PRR12: variants seen among roughly 807,000 people sequenced by gnomAD.
PRR12 encodes the protein proline rich 12, also known as proline-rich protein 12.
A neutral mutation model predicts 138.0 loss-of-function variants in PRR12; 12 were observed. The observed-to-expected ratio is 0.09, with a 90% CI of 0.06 to 0.14. The LOEUF is 0.14. Ranked by LOEUF, PRR12 falls within the 10% of genes least tolerant of loss-of-function variation. The pLI, the probability that PRR12 is intolerant of heterozygous loss-of-function variation, is 1.00. For missense variants in PRR12, 2,692 were observed against 2,861.3 expected (o/e 0.94, Z 1.35); for synonymous variants, 1,567 against 1,291.7 (o/e 1.21, Z -4.57).
Position 49,594,748 on chromosome 19 carries a change from G to C in PRR12, c.413G>C (p.Gly138Ala). ...CTCTTCATCTCGGGTGCCCTGCCGGGTTCCAGCACCTTTCCGTCCTCATCT... is the reference window on the plus strand; with the variant it reads ...CTCTTCATCTCGGGTGCCCTGCCGGCTTCCAGCACCTTTCCGTCCTCATCT... ...TELFISGALPGSSTFPSSSAL... is the reference protein window; with the variant it reads ...TELFISGALPASSTFPSSSAL... The change falls in exon 4 of 14, where the codon GGT (glycine) becomes GCT (alanine). Residue 138 changes from glycine to alanine, a missense_variant. By Grantham distance (60) the Gly-to-Ala change is moderately conservative. Transcript: ENST00000418929. The surrounding 1 kb of genome is among the most constrained non-coding windows in gnomAD (Gnocchi z 5.6). The C allele has an allele frequency of 6.2e-7, 1 of 1,613,430 alleles. No individual in the cohort carries two copies. Among genetic ancestry groups the C allele is most frequent in the Non-Finnish European group, 8.5e-7 (1 of 1,179,828 alleles).
chr19:49,597,103 C>G lies in PRR12; in HGVS notation c.2768C>G (p.Ala923Gly). The G allele has an allele frequency of 6.4e-7, 1 of 1,551,074 alleles. No individual in the cohort carries two copies. Among genetic ancestry groups the G allele is most frequent in the Non-Finnish European group, 8.7e-7 (1 of 1,147,454 alleles). The change falls in exon 4 of 14, where the codon GCG becomes GGG. Residue 923 changes from alanine (A) to glycine (G), a missense_variant. By Grantham distance (60) the Ala-to-Gly change is moderately conservative. This residue lies in a region of PRR12 where 840 missense variants were observed against 689.8 expected (regional missense o/e 1.22). Transcript: ENST00000418929. This position sits in a 1 kb window ranked among gnomAD's most constrained non-coding sequence, Gnocchi z 6.3. ...YRSPSPQGTK[A>G]PRFVPLTSIC... ...AGCCCCAGCCCGCAAGGCACCAAGGCGCCGCGTTTCGTGCCGCTCACCTCC... is the reference window on the plus strand; with the variant it reads ...AGCCCCAGCCCGCAAGGCACCAAGGGGCCGCGTTTCGTGCCGCTCACCTCC...
chr19:49,598,303 T>A (rs1354781528), intron 4 of PRR12, among the ~76,000 whole-genome samples: 1 of 151,828 alleles, frequency 6.6e-6, no homozygotes, highest in Admixed American at 6.6e-5. Flanking sequence ...CTCGATCTCC[T>A]GGCCTCGTGA....
rs1568423508 is a variant in PRR12, at chr19:49,597,461, GCCTCCGCCA to G, written c.3129_3137del (p.Pro1047_Pro1049del). ...CCCACCAGGCGGCGCCACCACCCCC[GCCTCCGCCA>G]CCGCCGCCTCCCGCGCCGGCCTCCG... On this transcript the variant is annotated inframe_deletion, in exon 4 of 14. Coordinates refer to ENST00000418929, the MANE Select transcript of PRR12 (RefSeq NM_020719.3). The surrounding 1 kb of genome is among the most constrained non-coding windows in gnomAD (Gnocchi z 6.3). 3.9e-6 allele frequency: 6 copies of G among 1,541,666 alleles called. No homozygotes were observed. In the East Asian group the frequency reaches 1.2e-4, roughly 31 times the overall value.
In PRR12 at chr19:49,598,033, T is replaced by C. The variant is rs1304536361; in HGVS notation, c.3678+20T>C. 84 of 1,337,584 alleles carry C rather than the reference T, an allele frequency of 6.3e-5. No individual in the cohort carries two copies. The highest frequency in any genetic ancestry group is 7.8e-5 in the Non-Finnish European group (82 of 1,046,042). 82.9% of individuals were successfully genotyped at this position (1,337,584 alleles called of 1,614,324 possible). A position where few individuals can be genotyped will look rare whatever the true frequency, so the allele number is the denominator to read the frequency against. ...CTTAAGGTGAGGGGAAATGGGGTCTTGTAGGGGATAGGGGAGGAGGAGCTG... is the reference window on the plus strand; with the variant it reads ...CTTAAGGTGAGGGGAAATGGGGTCTCGTAGGGGATAGGGGAGGAGGAGCTG... On this transcript the variant is annotated intron_variant, in intron 4 of 13. Transcript: ENST00000418929.
At chr19:49,601,999 G>C (rs1599791377) in intron 6 of PRR12, 81 bp downstream of exon 6, 1 of 1,503,414 alleles carries the variant, frequency 6.7e-7, no homozygotes, top group East Asian at 2.4e-5. Flanking sequence ...TGACAGGCTT[G>C]TGCTGAGACC....
At chr19:49,593,541 C>T (rs1238096018) in intron 2 of PRR12, 102 bp downstream of exon 2, 7 of 622,034 alleles carry the variant, frequency 1.1e-5, no homozygotes, top group Admixed American at 5.8e-5. Flanking sequence ...GGCCGTGGCC[C>T]GTGCCGTGGC....
At position 49,596,536 on chromosome 19, in the gene PRR12, G is replaced by C; in HGVS notation, c.2201G>C (p.Arg734Pro). 6.2e-7 allele frequency: 1 copy of C among 1,608,598 alleles called. No individual in the cohort carries two copies. The highest frequency in any genetic ancestry group is 1.1e-5 in the South Asian group (1 of 90,592). ...AAGGAGAAGAAGAAAGGGCCAGAGCGGGGTGGCGAGACCCCCGAGGGGCTG... is the reference window on the plus strand; with the variant it reads ...AAGGAGAAGAAGAAAGGGCCAGAGCCGGGTGGCGAGACCCCCGAGGGGCTG... ...RLKEKKKGPE[R>P]GGETPEGLAT... Residue 734 changes from arginine to proline, a missense_variant, in exon 4 of 14, where the codon CGG (arginine) becomes CCG (proline). Coordinates refer to ENST00000418929, the MANE Select transcript of PRR12 (RefSeq NM_020719.3). The surrounding 1 kb of genome is among the most constrained non-coding windows in gnomAD (Gnocchi z 5.6).
rs1319944426 is a variant in PRR12 at position 49,601,789 on chromosome 19, G to C, written c.4644G>C (p.Leu1548=). The change falls in exon 6 of 14, where the codon CTG becomes CTC. Residue 1548 remains leucine, a synonymous_variant. Coordinates refer to ENST00000418929, the MANE Select transcript of PRR12 (RefSeq NM_020719.3). ...PELPDTRPLH[L]AKKQETAAVC... The stretch of plus-strand genomic sequence containing the variant: ...TGCCGGACACCCGGCCCCTGCATCT[G>C]GCCAAAAAGCAGGAGACGGCGGCAG... The C allele has an allele frequency of 1.9e-6, 3 of 1,609,452 alleles. No individual in the cohort carries two copies. Among genetic ancestry groups the C allele is most frequent in the Non-Finnish European group, 2.5e-6 (3 of 1,178,968 alleles).
intron 6 of PRR12, among the ~76,000 whole-genome samples, chr19:49,611,103 A>G (rs1171255949): frequency 6.6e-6 from 1 of 151,870 alleles, no homozygotes; most frequent in Non-Finnish European, 1.5e-5. Context: ...CGGCCTTCCA[A>G]AGCGTTGGGA....
At position 49,615,907 on chromosome 19, in the gene PRR12, C is replaced by T; in HGVS notation, c.5185C>T (p.Pro1729Ser). The change falls in exon 9 of 14, where the codon CCC becomes TCC. Residue 1729 changes from proline (P) to serine (S), a missense_variant. Physicochemically the swap from Pro to Ser is moderately conservative, Grantham distance 74. Coordinates refer to ENST00000418929, the MANE Select transcript of PRR12 (RefSeq NM_020719.3). ...PETAMPEPPA[P>S]EKPSLLRPVE... ...GACGGCCATGCCTGAGCCCCCTGCCCCCGAGAAGCCCTCCCTCCTGCGGCC... is the reference window on the plus strand; with the variant it reads ...GACGGCCATGCCTGAGCCCCCTGCCTCCGAGAAGCCCTCCCTCCTGCGGCC... 5 of 1,563,954 alleles carry T rather than the reference C, an allele frequency of 3.2e-6. No homozygotes were observed. Among genetic ancestry groups the T allele is most frequent in the East Asian group, 2.4e-5 (1 of 41,646 alleles).
intron 6 of PRR12, among the ~76,000 whole-genome samples, chr19:49,608,405 C>T (rs139278099): frequency 0.033 from 4,970 of 152,078 alleles, 116 homozygotes; most frequent in Middle Eastern, 0.11. Context: ...TGCAATGACG[C>T]GATCTCTGCT....
Position 49,599,380 on chromosome 19 carries a change from A to T in PRR12, c.3787A>T (p.Ile1263Phe). 6.2e-7 allele frequency: 1 copy of T among 1,612,848 alleles called. No individual in the cohort carries two copies. Among genetic ancestry groups the T allele is most frequent in the Non-Finnish European group, 8.5e-7 (1 of 1,179,608 alleles). Residue 1263 changes from isoleucine to phenylalanine, a missense_variant, in exon 5 of 14, where the codon ATC (isoleucine) becomes TTC (phenylalanine). Transcript: ENST00000418929. The surrounding 1 kb of genome is among the most constrained non-coding windows in gnomAD (Gnocchi z 5.0). ...SLDSSLTREKIEAKIKEVEEK... is the reference protein window; with the variant it reads ...SLDSSLTREKFEAKIKEVEEK... ...GGACTCGAGCCTGACTCGGGAGAAG[A>T]TCGAGGCCAAGATTAAGGAGGTGGA...
intron 9 of PRR12, among the ~76,000 whole-genome samples, chr19:49,619,130 CT>C (rs1357960761): frequency 6.6e-6 from 1 of 151,604 alleles, no homozygotes; most frequent in African/African-American, 2.4e-5. Context: ...CTGCTTTAGA[CT>C]TACGTGAAGC....
Position 49,599,946 on chromosome 19 carries a change from C to T in PRR12, c.4345+8C>T, listed in dbSNP as rs1224295410. 1 of 1,586,886 alleles carries T rather than the reference C, an allele frequency of 6.3e-7. No homozygotes were observed. The highest frequency in any genetic ancestry group is 8.6e-7 in the Non-Finnish European group (1 of 1,165,190). ...ACAGCAATGGCACTCCCGGTGAGCT[C>T]TGGGCAGGTGGTCTGGGAGTAGAGC... On this transcript the variant is annotated splice_region_variant and intron_variant, in intron 5 of 13. Coordinates refer to ENST00000418929, the MANE Select transcript of PRR12 (RefSeq NM_020719.3). This position sits in a 1 kb window ranked among gnomAD's most constrained non-coding sequence, Gnocchi z 5.0.
At chr19:49,605,388 G>A (rs1308803534) in intron 6 of PRR12, among the ~76,000 whole-genome samples, 1 of 151,748 alleles carries the variant, frequency 6.6e-6, no homozygotes, top group Non-Finnish European at 1.5e-5. Context: ...TCAGCCTCCC[G>A]AGTAGCTGGG....
At chr19:49,622,574 A>G (rs1449307979) in intron 11 of PRR12, among the ~76,000 whole-genome samples, 1 of 145,442 alleles carries the variant, frequency 6.9e-6, no homozygotes, top group African/African-American at 2.7e-5. Context: ...CCTGGGCGAC[A>G]GAGCAAGACT....
chr19:49,622,406 A>T (rs1216690911), intron 11 of PRR12, among the ~76,000 whole-genome samples: 6 of 151,972 alleles, frequency 3.9e-5, no homozygotes, highest in Non-Finnish European at 5.9e-5. Context: ...CTCAAAATAA[A>T]AAAAAGTGAA....
intron 1 of PRR12, 79 bp downstream of exon 1, chr19:49,591,819 C>G (rs1381757763): frequency 1.3e-6 from 1 of 795,720 alleles, no homozygotes. Context: ...GGGCCGGGCC[C>G]GCCCGGCGAC....
chr19:49,618,382 C>CCTTTT (rs544366837), intron 9 of PRR12, among the ~76,000 whole-genome samples: 139 of 151,968 alleles, frequency 9.1e-4, no homozygotes, highest in Middle Eastern at 3.4e-3. Flanking sequence ...CACCTCTTTT[C>CCTTTT]CTTTTCTTTT....
Sources: allele counts gnomAD v4.1 joint callset (sites outside exome capture counted in the v4.1 genomes callset), GRCh38; gene constraint gnomAD v4.1.1; regional missense constraint gnomAD v4.1.1; non-coding constraint Gnocchi (gnomAD v3.1); transcripts MANE v1.5; gene names NCBI Gene and HGNC (gene_info 2026-07-23, HGNC 2026-07-21).